The following DDX59 variants were observed in gnomAD, a reference collection of about 807,000 sequenced individuals.
The protein encoded by DDX59 is probable ATP-dependent RNA helicase DDX59.
A neutral mutation model predicts 51.9 loss-of-function variants in DDX59; 30 were observed. The ratio of observed to expected loss-of-function variants is 0.58; its 90% CI spans 0.43 to 0.78. The LOEUF is 0.78. Among genes scored for constraint, DDX59 ranks in the 30% least tolerant of loss-of-function variants. The pLI, the probability that DDX59 is intolerant of heterozygous loss-of-function variation, is 0.00. For synonymous variants in DDX59, 255 were observed against 253.3 expected (o/e 1.01, Z -0.06); for missense variants, 672 against 730.8 (o/e 0.92, Z 0.93).
In DDX59 at chr1:200,645,364, C is replaced by T. The variant is rs181245971; in HGVS notation, c.1597-847G>A. 3.5e-4 allele frequency among the ~76,000 whole-genome samples: 54 copies of T among 152,232 alleles called. No homozygotes were observed. The East Asian group carries it at 9.8e-3, about 28-fold the overall frequency. ...TGCAATGTCGGCTCACTGCAACCTC[C>T]GCCTCCTGGGTTCAAGCAATTCTCT... On this transcript the variant is annotated intron_variant, in intron 7 of 7. Transcript: ENST00000331314.
In DDX59 at chr1:200,666,635, T is replaced by C; in HGVS notation, c.106A>G (p.Lys36Glu). ...KPDPEDLQLD[K>E]SRDVPVDAVA... ...GCATCAACGGGAACATCTCTGCTTT[T>C]GTCCAACTGAAGGTCTTCTGGGTCT... The change falls in exon 2 of 8, where the codon AAA (lysine) becomes GAA (glutamate). Residue 36 changes from lysine to glutamate, a missense_variant. Transcript: ENST00000331314. 1.2e-6 allele frequency: 2 copies of C among 1,614,240 alleles called. No homozygotes were observed. The highest frequency in any genetic ancestry group is 2.2e-5 in the South Asian group (2 of 91,090).
At chr1:200,654,499 C>CAA (rs1309218363) in intron 4 of DDX59, 1 of 152,054 alleles carries the variant, frequency 6.6e-6, no homozygotes, top group Admixed American at 6.6e-5. Flanking sequence ...TCAGAATATC[C>CAA]AAGTGAGAGG....
At chr1:200,668,164 G>A (rs534225634) in intron 1 of DDX59, among the ~76,000 whole-genome samples, 9 of 152,146 alleles carry the variant, frequency 5.9e-5, no homozygotes, top group Non-Finnish European at 1.2e-4. Context: ...AAAATTAGCC[G>A]GGCGTTGGCG....
chr1:200,646,895 G>C (rs1033154317), intron 7 of DDX59, among the ~76,000 whole-genome samples: 15 of 152,200 alleles, frequency 9.9e-5, no homozygotes, highest in African/African-American at 3.6e-4. Context: ...ATATCTACAC[G>C]ATAAATTTTT....
chr1:200,648,054 GTC>G (rs1313680218), intron 7 of DDX59, among the ~76,000 whole-genome samples: 5 of 140,916 alleles, frequency 3.5e-5, no homozygotes, highest in African/African-American at 1.3e-4. Flanking sequence ...GGGGAATGAA[GTC>G]TCTGTCACCC....
At chr1:200,659,896 C>T (rs1662271110) in intron 3 of DDX59, among the ~76,000 whole-genome samples, 1 of 152,158 alleles carries the variant, frequency 6.6e-6, no homozygotes, top group African/African-American at 2.4e-5. Context: ...GCTACCCAGG[C>T]TGGTCTCAAA....
chr1:200,666,246 G>A lies in DDX59; in HGVS notation c.495C>T (p.Ser165=). ...DSEPESPLNA[S]YVYKEHPFIL... ...TAAAGGGGTGCTCTTTGTAGACATA[G>A]GAAGCATTCAGTGGAGACTCTGGCT... Residue 165 remains serine, a synonymous_variant, in exon 2 of 8, where the codon TCC becomes TCT. Coordinates refer to ENST00000331314, the MANE Select transcript of DDX59 (RefSeq NM_001031725.6). 1 of 1,614,220 alleles carries A rather than the reference G, an allele frequency of 6.2e-7. No individual in the cohort carries two copies. The highest frequency in any genetic ancestry group is 1.1e-5 in the South Asian group (1 of 91,090).
Position 200,666,518 on chromosome 1 carries a change from C to T in DDX59, c.223G>A (p.Val75Ile). 6.2e-7 allele frequency: 1 copy of T among 1,614,194 alleles called. No individual in the cohort carries two copies. The highest frequency in any genetic ancestry group is 8.5e-7 in the Non-Finnish European group (1 of 1,180,044). ...PGGQLAEVHS[V>I]SPEQGAKDSH... Reference sequence around the variant, plus strand: ...TCCTTCGCACCCTGCTCGGGACTTACTGAATGAACCTCTGCCAACTGGCCA... The same window carrying T: ...TCCTTCGCACCCTGCTCGGGACTTATTGAATGAACCTCTGCCAACTGGCCA... The change falls in exon 2 of 8, where the codon GTA (valine) becomes ATA (isoleucine). Residue 75 changes from valine to isoleucine, a missense_variant. Transcript: ENST00000331314.
intron 2 of DDX59, 84 bp downstream of exon 2, chr1:200,665,853 T>G: frequency 7.0e-7 from 1 of 1,426,942 alleles, no homozygotes. Context: ...AGTCTGCAAT[T>G]TTAATATAGT....
At chr1:200,665,393 G>A (rs1212366030) in intron 2 of DDX59, among the ~76,000 whole-genome samples, 2 of 151,764 alleles carry the variant, frequency 1.3e-5, no homozygotes, top group African/African-American at 2.4e-5. Flanking sequence ...CCTGGGAGAC[G>A]GATCACTTGA....
At chr1:200,653,921 T>C (rs2809363) in intron 4 of DDX59, among the ~76,000 whole-genome samples, 12,816 of 152,252 alleles carry the variant, frequency 0.084, 651 homozygotes, top group South Asian at 0.14. Context: ...TCGCCTTGTG[T>C]ACATTTATCA....
Position 200,644,279 on chromosome 1 carries a change from T to C in DDX59, c.1835A>G (p.His612Arg). 1 of 1,555,700 alleles carries C rather than the reference T, an allele frequency of 6.4e-7. No homozygotes were observed. The highest frequency in any genetic ancestry group is 2.0e-5 in the Admixed American group (1 of 49,814). ...GANLMDIIRK[H>R]DKSNSQK ...TCATTTCTGAGAATTACTTTTATCA[T>C]GTTTTCTGATAATATCCATAAGATT... The change falls in exon 8 of 8, where the codon CAT becomes CGT. Residue 612 changes from histidine to arginine, a missense_variant. Physicochemically the swap from His to Arg is conservative, Grantham distance 29. Transcript: ENST00000331314.
rs147096736 is a variant in DDX59, at chr1:200,657,194, T to C, written c.1062+1833A>G. On this transcript the variant is annotated intron_variant, in intron 4 of 7. Coordinates refer to ENST00000331314, the MANE Select transcript of DDX59 (RefSeq NM_001031725.6). Reference sequence around the variant, plus strand: ...TGAGCCCAGATGGTAGAGGTGGCAGTGAGCCAAGATCGTGCCATTGTACTC... The same window carrying C: ...TGAGCCCAGATGGTAGAGGTGGCAGCGAGCCAAGATCGTGCCATTGTACTC... 2.7e-3 allele frequency among the ~76,000 whole-genome samples: 356 copies of C among 134,336 alleles called. 3 individuals are homozygous for C. The highest frequency in any genetic ancestry group is 9.5e-3 in the African/African-American group (331 of 34,994). 88.1% of individuals were successfully genotyped at this position (134,336 alleles called of 152,430 possible).
At chr1:200,668,134 T>TAAAAC (rs1320627889) in intron 1 of DDX59, among the ~76,000 whole-genome samples, 1 of 151,816 alleles carries the variant, frequency 6.6e-6, no homozygotes, top group Non-Finnish European at 1.5e-5. Context: ...CCGTCTCTAT[T>TAAAAC]AAAACAAAAC....
At chr1:200,658,894 G>A (rs1662200660) in intron 4 of DDX59, 133 bp downstream of exon 4, 1 of 669,112 alleles carries the variant, frequency 1.5e-6, no homozygotes, top group South Asian at 2.1e-5. Flanking sequence ...GGAACCTGCT[G>A]CAATGCTTTA....
At chr1:200,650,758 A>G (rs1661609736) in intron 4 of DDX59, 82 bp from the exon 5 acceptor site, 2 of 1,264,986 alleles carry the variant, frequency 1.6e-6, no homozygotes, top group African/African-American at 3.0e-5. Flanking sequence ...TATAATTAAC[A>G]ATATAAAAAT....
intron 1 of DDX59, among the ~76,000 whole-genome samples, chr1:200,668,940 C>A (rs1242822380): frequency 6.6e-6 from 1 of 152,168 alleles, no homozygotes; most frequent in Non-Finnish European, 1.5e-5. Context: ...CTAAACTAAA[C>A]CAATGTATTT....
intron 7 of DDX59, among the ~76,000 whole-genome samples, chr1:200,644,765 A>C (rs1020808339): frequency 1.4e-4 from 21 of 151,942 alleles, no homozygotes; most frequent in African/African-American, 4.8e-4. Flanking sequence ...CATGGTGGCA[A>C]ACACCTGTAA....
intron 4 of DDX59, among the ~76,000 whole-genome samples, chr1:200,653,249 C>T (rs1430954768): frequency 6.6e-6 from 1 of 152,230 alleles, no homozygotes; most frequent in African/African-American, 2.4e-5. Flanking sequence ...AACATCTCCA[C>T]TTGGTTCCAA....
Sources: gnomAD v4.1 joint callset for allele counts (sites outside exome capture counted in the v4.1 genomes callset) on GRCh38, gnomAD v4.1.1 for gene constraint, MANE v1.5 for transcripts, NCBI Gene and HGNC (gene_info 2026-07-23, HGNC 2026-07-21) for gene names.